Variants in BLTP2 observed in about 807,000 individuals in gnomAD.
BLTP2 encodes U937-associated antigen.
the BLTP2 span, chr17:28,635,758 T>C: frequency 1.3e-6 from 1 of 765,244 alleles, no homozygotes; most frequent in African/African-American, 1.8e-5. Context: ...TGCCTTGCTT[T>C]GTTCCTGTTA....
At chr17:28,616,317 G>C in the BLTP2 span, 1 of 1,611,450 alleles carries the variant, frequency 6.2e-7, no homozygotes, top group Non-Finnish European at 8.5e-7. This position sits in a 1 kb window ranked among gnomAD's most constrained non-coding sequence, Gnocchi z 4.8. Flanking sequence ...GAAATCCCAA[G>C]CCACACCAAA....
At chr17:28,618,993 A>T in the BLTP2 span, 1 of 1,604,910 alleles carries the variant, frequency 6.2e-7, no homozygotes, top group Non-Finnish European at 8.5e-7. Context: ...CAGGGGAGCC[A>T]AAGCCAGTAA....
the BLTP2 span, among the ~76,000 whole-genome samples, chr17:28,641,297 G>A: frequency 6.6e-6 from 1 of 152,150 alleles, no homozygotes; most frequent in Non-Finnish European, 1.5e-5. Context: ...CCACATAAGT[G>A]GATCCGCACA....
chr17:28,631,890 T>G, the BLTP2 span: 36 of 1,614,118 alleles, frequency 2.2e-5, no homozygotes, highest in Non-Finnish European at 2.8e-5. Context: ...GGATGCCCCG[T>G]TGCTGGGCAA....
the BLTP2 span, chr17:28,645,091 C>T: frequency 6.4e-7 from 1 of 1,562,710 alleles, no homozygotes; most frequent in Non-Finnish European, 8.7e-7. Flanking sequence ...GGCCCCGGCC[C>T]CCGCCATGCC....
At chr17:28,635,306 G>C in the BLTP2 span, 13 of 1,614,056 alleles carry the variant, frequency 8.1e-6, no homozygotes, top group African/African-American at 1.3e-5. Flanking sequence ...CCTCCATGCC[G>C]GCTCAGTGAC....
At chr17:28,631,712 T>C in the BLTP2 span, 1 of 1,612,130 alleles carries the variant, frequency 6.2e-7, no homozygotes. Flanking sequence ...GAGACCATGC[T>C]GACCAGTTCA....
At chr17:28,634,644 G>A in the BLTP2 span, 20 of 1,614,212 alleles carry the variant, frequency 1.2e-5, no homozygotes, top group Non-Finnish European at 1.7e-5. Context: ...CAGGACCATG[G>A]AAGGAGGCAT....
the BLTP2 span, chr17:28,617,517 G>A: frequency 2.0e-6 from 1 of 491,260 alleles, no homozygotes; most frequent in Non-Finnish European, 3.6e-6. Flanking sequence ...CTAAATGCTG[G>A]TAGTACTATC....
At chr17:28,633,988 G>A in the BLTP2 span, 109 of 1,613,980 alleles carry the variant, frequency 6.8e-5, no homozygotes, top group Non-Finnish European at 8.4e-5. Flanking sequence ...TGACGCCGAC[G>A]GGAGCAAGGC....
At chr17:28,624,467 T>A in the BLTP2 span, 18 of 1,318,714 alleles carry the variant, frequency 1.4e-5, no homozygotes, top group East Asian at 4.2e-4. Context: ...GCCAAATTGA[T>A]CTTCCCTCAA....
the BLTP2 span, chr17:28,619,605 GC>G: frequency 1.2e-6 from 2 of 1,610,280 alleles, no homozygotes; most frequent in South Asian, 2.2e-5. Flanking sequence ...AAAGAGAACT[GC>G]CTCTAGCTGG....
At chr17:28,619,811 C>G in the BLTP2 span, 3 of 1,613,820 alleles carry the variant, frequency 1.9e-6, no homozygotes, top group Admixed American at 5.0e-5. Context: ...AGACCGCCCT[C>G]GTTCTAGGAG....
the BLTP2 span, among the ~76,000 whole-genome samples, chr17:28,626,519 TGGAAA>T: frequency 6.6e-6 from 1 of 152,220 alleles, no homozygotes; most frequent in Admixed American, 6.5e-5. Flanking sequence ...GGCTGGTCAC[TGGAAA>T]GACCCAGGCA....
chr17:28,637,223 A>G, the BLTP2 span: 2 of 1,400,236 alleles, frequency 1.4e-6, no homozygotes, highest in Non-Finnish European at 2.0e-6. Flanking sequence ...AAGGGCAACA[A>G]TAGTCCTCAC....
chr17:28,618,895 G>A, the BLTP2 span: 26 of 1,613,994 alleles, frequency 1.6e-5, 1 homozygote, highest in Non-Finnish European at 2.2e-5. Context: ...TCAGTGCGAC[G>A]GACCACACTC....
At chr17:28,638,169 C>A in the BLTP2 span, 32 of 1,592,296 alleles carry the variant, frequency 2.0e-5, no homozygotes, top group African/African-American at 3.8e-4. Context: ...GCACTTCCTG[C>A]TGCATTAGGA....
At chr17:28,637,030 G>A in the BLTP2 span, 19 of 1,614,204 alleles carry the variant, frequency 1.2e-5, no homozygotes, top group Non-Finnish European at 1.5e-5. Context: ...ACTGGGGTAG[G>A]GATGTCAGGG....
chr17:28,620,901 A>G, the BLTP2 span: 1 of 1,274,338 alleles, frequency 7.8e-7, no homozygotes, highest in Admixed American at 2.0e-5. Context: ...GATTTTTAAT[A>G]ACTCTACTGT....
Sources: gnomAD v4.1 joint callset for allele counts (sites outside exome capture counted in the v4.1 genomes callset) on GRCh38, gnomAD v4.1.1 for gene constraint, Gnocchi (gnomAD v3.1) non-coding constraint, MANE v1.5 for transcripts, NCBI Gene and HGNC (gene_info 2026-07-23, HGNC 2026-07-21) for gene names.